KCNIP4: variants seen among roughly 807,000 people sequenced by gnomAD.
The protein encoded by KCNIP4 is Kv channel-interacting protein 4.
KCNIP4 carries 12 observed loss-of-function variants against 34.0 expected under a neutral mutation model. The ratio of observed to expected loss-of-function variants is 0.35; its 90% CI spans 0.23 to 0.57. KCNIP4 has a LOEUF of 0.57. KCNIP4 is among the 20% of genes least tolerant of loss of function. The probability of loss-of-function intolerance (pLI) is 0.83; values close to 1 mark genes in which losing one functional copy is unlikely to be tolerated. For synonymous variants in KCNIP4, 124 were observed against 102.2 expected (o/e 1.21, Z -1.29); for missense variants, 238 against 311.7 (o/e 0.76, Z 1.78).
intron 1 of KCNIP4, among the ~76,000 whole-genome samples, chr4:20,996,286 G>A (rs1737548041): frequency 6.6e-6 from 1 of 152,134 alleles, no homozygotes; most frequent in Non-Finnish European, 1.5e-5. Flanking sequence ...TTTTTACACA[G>A]CAGCCAGATT....
At chr4:21,188,039 G>C (rs115339173) in intron 1 of KCNIP4, among the ~76,000 whole-genome samples, 2,282 of 152,296 alleles carry the variant, frequency 0.015, 62 homozygotes, top group African/African-American at 0.052. Context: ...ACAGTAATAT[G>C]AGAAAACTTT....
chr4:21,066,600 A>T (rs1438788070), intron 1 of KCNIP4, among the ~76,000 whole-genome samples: 1 of 151,424 alleles, frequency 6.6e-6, no homozygotes, highest in Non-Finnish European at 1.5e-5. Flanking sequence ...GAATGCAGTG[A>T]TTGTGAGACT....
chr4:21,295,909 A>G (rs941942200), intron 1 of KCNIP4, among the ~76,000 whole-genome samples: 1 of 142,156 alleles, frequency 7.0e-6, no homozygotes, highest in African/African-American at 2.6e-5. Flanking sequence ...ATAGAGGCAC[A>G]TGCAGTTAGT....
At chr4:20,788,812 C>T (rs1712346230) in intron 3 of KCNIP4, among the ~76,000 whole-genome samples, 1 of 152,118 alleles carries the variant, frequency 6.6e-6, no homozygotes. Flanking sequence ...TGGAAAATTA[C>T]ACCTTCTCAG....
chr4:20,920,746 C>T lies in KCNIP4; in HGVS notation c.62-38037G>A, dbSNP rs547352485. Among the ~76,000 whole-genome samples, 155 of 152,270 alleles carry T rather than the reference C, an allele frequency of 1.0e-3. 1 individual carries two copies. The highest frequency in any genetic ancestry group is 3.6e-3 in the African/African-American group (149 of 41,550). On this transcript the variant is annotated intron_variant, in intron 1 of 8. Coordinates refer to ENST00000382152, the MANE Select transcript of KCNIP4 (RefSeq NM_025221.6). The stretch of plus-strand genomic sequence containing the variant: ...GTGGCTCACGCCTGTAATCCCAGCA[C>T]TTTGGGAGGCCGAGGCGGGTGGATC...
In KCNIP4 at chr4:20,749,752, G is replaced by A; in HGVS notation, c.359-20C>T. The A allele has an allele frequency of 6.5e-7, 1 of 1,537,808 alleles. No homozygotes were observed. The highest frequency in any genetic ancestry group is 9.0e-7 in the Non-Finnish European group (1 of 1,114,660). ...TAGAGTCTGAAATGGTAAAAAGGGA[G>A]TATCATTAAGTCAGTGTTTCCATAT... On this transcript the variant is annotated intron_variant, in intron 4 of 8. Coordinates refer to ENST00000382152, the MANE Select transcript of KCNIP4 (RefSeq NM_025221.6).
At chr4:21,236,180 C>T (rs559707043) in intron 1 of KCNIP4, among the ~76,000 whole-genome samples, 1 of 152,144 alleles carries the variant, frequency 6.6e-6, no homozygotes, top group East Asian at 1.9e-4. Context: ...ATCAGTCATA[C>T]TTTAATGGTC....
At chr4:21,550,496 C>T (rs887333724) in intron 1 of KCNIP4, among the ~76,000 whole-genome samples, 1 of 152,044 alleles carries the variant, frequency 6.6e-6, no homozygotes, top group Non-Finnish European at 1.5e-5. Context: ...TGTCGCTAGT[C>T]TCTCTTCTCT....
At chr4:21,479,132 A>G (rs1731222447) in intron 1 of KCNIP4, among the ~76,000 whole-genome samples, 1 of 152,186 alleles carries the variant, frequency 6.6e-6, no homozygotes, top group Non-Finnish European at 1.5e-5. Flanking sequence ...CCGTGATTCA[A>G]AGCAAACCAA....
chr4:21,561,944 A>G (rs1211426820), intron 1 of KCNIP4, among the ~76,000 whole-genome samples: 1 of 151,956 alleles, frequency 6.6e-6, no homozygotes, highest in Non-Finnish European at 1.5e-5. Context: ...CTGGTTAATG[A>G]AAACACTGTG....
At chr4:20,869,601 A>G (rs1267904413) in intron 2 of KCNIP4, among the ~76,000 whole-genome samples, 1 of 152,022 alleles carries the variant, frequency 6.6e-6, no homozygotes, top group African/African-American at 2.4e-5. Flanking sequence ...TCTATTTCCC[A>G]CCTCTGGCTG....
intron 1 of KCNIP4, among the ~76,000 whole-genome samples, chr4:21,389,765 T>G (rs1418454064): frequency 6.6e-6 from 1 of 152,084 alleles, no homozygotes; most frequent in African/African-American, 2.4e-5. Context: ...TAAACATACG[T>G]GTGCATGTGT....
At chr4:21,051,012 T>G (rs955500207) in intron 1 of KCNIP4, among the ~76,000 whole-genome samples, 2 of 152,176 alleles carry the variant, frequency 1.3e-5, no homozygotes, top group African/African-American at 4.8e-5. Flanking sequence ...TCTCCTAAGC[T>G]TCCATAACAT....
chr4:20,833,084 A>G (rs536497530), intron 3 of KCNIP4, among the ~76,000 whole-genome samples: 12 of 152,342 alleles, frequency 7.9e-5, no homozygotes, highest in African/African-American at 2.6e-4. Flanking sequence ...ACAAATGTGC[A>G]GCCTGTTGTT....
chr4:21,153,505 A>G (rs937316408), intron 1 of KCNIP4, among the ~76,000 whole-genome samples: 20 of 79,844 alleles, frequency 2.5e-4, no homozygotes, highest in Admixed American at 7.5e-4. Flanking sequence ...TTATATATAT[A>G]TGTGTGTGTG....
At chr4:21,285,067 C>T (rs1440010616) in intron 1 of KCNIP4, among the ~76,000 whole-genome samples, 6 of 151,998 alleles carry the variant, frequency 3.9e-5, no homozygotes, top group African/African-American at 1.2e-4. Context: ...GTACAATATC[C>T]CCATTATGGC....
At chr4:21,295,283 C>T (rs539967652) in intron 1 of KCNIP4, among the ~76,000 whole-genome samples, 13 of 152,250 alleles carry the variant, frequency 8.5e-5, no homozygotes, top group Admixed American at 2.0e-4. Flanking sequence ...GTGTTGAATC[C>T]ATGCCCTGGT....
At chr4:21,302,088 G>A (rs889148815) in intron 1 of KCNIP4, among the ~76,000 whole-genome samples, 1 of 152,166 alleles carries the variant, frequency 6.6e-6, no homozygotes, top group African/African-American at 2.4e-5. Context: ...GATTGTCCTG[G>A]AGAATGCTGA....
intron 1 of KCNIP4, among the ~76,000 whole-genome samples, chr4:21,492,773 C>A (rs1204732834): frequency 6.6e-6 from 1 of 152,166 alleles, no homozygotes; most frequent in African/African-American, 2.4e-5. Flanking sequence ...AGGAAAGAGT[C>A]TCATTTTAGT....
Sources: gnomAD v4.1 joint callset for allele counts (sites outside exome capture counted in the v4.1 genomes callset) on GRCh38, gnomAD v4.1.1 for gene constraint, MANE v1.5 for transcripts, NCBI Gene and HGNC (gene_info 2026-07-23, HGNC 2026-07-21) for gene names.